Variants in ASTN2 observed in about 807,000 individuals in gnomAD.
The protein encoded by ASTN2 is astrotactin 2, also known as astrotactin-2.
ASTN2 carries 54 observed loss-of-function variants against 139.8 expected under a neutral mutation model. That is an observed-to-expected ratio of 0.39 (90% CI 0.31 to 0.48). ASTN2 has a LOEUF of 0.48. Among genes scored for constraint, ASTN2 ranks in the 20% least tolerant of loss-of-function variants. The pLI, the probability that ASTN2 is intolerant of heterozygous loss-of-function variation, is 0.95. For synonymous variants in ASTN2, 756 were observed against 719.5 expected (o/e 1.05, Z -0.81); for missense variants, 1,565 against 1,725.1 (o/e 0.91, Z 1.64).
intron 11 of ASTN2, among the ~76,000 whole-genome samples, chr9:116,847,934 C>T (rs939415007): frequency 3.9e-5 from 6 of 152,116 alleles, no homozygotes; most frequent in Non-Finnish European, 7.4e-5. Flanking sequence ...AGATGTGGGG[C>T]GGGACAGAGG....
At chr9:117,180,492 C>G in intron 3 of ASTN2, 1 of 594,000 alleles carries the variant, frequency 1.7e-6, no homozygotes, top group Non-Finnish European at 3.0e-6. Context: ...TCCACATCGT[C>G]AGCACATTTG....
intron 13 of ASTN2, among the ~76,000 whole-genome samples, chr9:116,744,178 A>G (rs1829173691): frequency 6.6e-6 from 1 of 152,150 alleles, no homozygotes; most frequent in African/African-American, 2.4e-5. Context: ...GTGTGGGCGC[A>G]TGTGTGTGTA....
intron 20 of ASTN2, 67 bp downstream of exon 20, chr9:116,487,292 G>T: frequency 6.3e-7 from 1 of 1,580,594 alleles, no homozygotes. Flanking sequence ...AATAACTCAT[G>T]CCATTCCTCT....
chr9:117,309,596 A>T (rs1263546656), intron 1 of ASTN2, among the ~76,000 whole-genome samples: 1 of 152,172 alleles, frequency 6.6e-6, no homozygotes, highest in Non-Finnish European at 1.5e-5. Context: ...GATAAAGCAA[A>T]CCTTCCATCC....
intron 3 of ASTN2, among the ~76,000 whole-genome samples, chr9:117,202,573 G>T (rs889131877): frequency 2.0e-5 from 3 of 152,128 alleles, no homozygotes; most frequent in Admixed American, 6.5e-5. Context: ...GTCTGGAAAA[G>T]ATTTTCTTTG....
At chr9:116,540,475 T>C (rs1253514798) in intron 19 of ASTN2, 1 of 152,208 alleles carries the variant, frequency 6.6e-6, no homozygotes, top group East Asian at 1.9e-4. Context: ...GAATAACACG[T>C]GAAGAGAGGA....
intron 22 of ASTN2, among the ~76,000 whole-genome samples, chr9:116,439,688 A>T (rs1173295572): frequency 6.6e-6 from 1 of 152,106 alleles, no homozygotes; most frequent in Non-Finnish European, 1.5e-5. Flanking sequence ...CCAAATACCC[A>T]TCCTTTTCCC....
intron 1 of ASTN2, among the ~76,000 whole-genome samples, chr9:117,312,879 G>A (rs936750226): frequency 8.6e-5 from 13 of 151,730 alleles, no homozygotes; most frequent in South Asian, 2.1e-4. Context: ...CAACAAAACC[G>A]TAAAAAAAAC....
At chr9:117,245,188 T>C (rs1271235811) in intron 2 of ASTN2, among the ~76,000 whole-genome samples, 1 of 152,146 alleles carries the variant, frequency 6.6e-6, no homozygotes, top group Non-Finnish European at 1.5e-5. Context: ...AAGCTGTCTG[T>C]TCTGAAAGAC....
chr9:117,048,926 GA>G (rs1337032462), intron 5 of ASTN2, among the ~76,000 whole-genome samples: 2 of 143,792 alleles, frequency 1.4e-5, no homozygotes, highest in South Asian at 4.7e-4. Context: ...TATGAAAACA[GA>G]AATAGAATCT....
chr9:117,221,869 A>G (rs1038277252), intron 2 of ASTN2, among the ~76,000 whole-genome samples: 1 of 152,106 alleles, frequency 6.6e-6, no homozygotes, highest in Non-Finnish European at 1.5e-5. Context: ...AGAAAAAGAA[A>G]CTGAGACTCA....
chr9:117,392,866 G>A (rs949221569), intron 1 of ASTN2, among the ~76,000 whole-genome samples: 1 of 152,156 alleles, frequency 6.6e-6, no homozygotes, highest in Non-Finnish European at 1.5e-5. Flanking sequence ...TACAGAAAAA[G>A]AGCTTTGCAA....
chr9:117,319,498 G>T (rs1170856085), intron 1 of ASTN2, among the ~76,000 whole-genome samples: 5 of 151,866 alleles, frequency 3.3e-5, no homozygotes. Flanking sequence ...GTGCAATCTT[G>T]GTTCCCTGCA....
rs7852391 is a variant in ASTN2 at position 117,088,215 on chromosome 9, G to C, written c.1276+7829C>G. On this transcript the variant is annotated intron_variant, in intron 5 of 22. Transcript: ENST00000313400. ...AGGCACAGTTGCTGCCTCTTTCTCC[G>C]GCCTCATTTTCCATCATTCCTGCAC... 1.6e-4 allele frequency among the ~76,000 whole-genome samples: 24 copies of C among 152,158 alleles called. No individual in the cohort carries two copies. The East Asian group carries it at 4.7e-3, about 29-fold the overall frequency.
intron 4 of ASTN2, among the ~76,000 whole-genome samples, chr9:117,119,990 ATGTGTG>A (rs752111718): frequency 4.5e-4 from 33 of 73,214 alleles, no homozygotes; most frequent in African/African-American, 1.5e-3. Flanking sequence ...ATATATTTGT[ATGTGTG>A]TGTGTGTGTG....
chr9:116,588,900 T>A (rs1564136796), intron 19 of ASTN2, among the ~76,000 whole-genome samples: 1 of 152,186 alleles, frequency 6.6e-6, no homozygotes, highest in East Asian at 1.9e-4. Context: ...TACAGACCTA[T>A]AAGGAAACAG....
At chr9:116,751,311 TA>T (rs1435713230) in intron 13 of ASTN2, among the ~76,000 whole-genome samples, 4 of 152,222 alleles carry the variant, frequency 2.6e-5, no homozygotes, top group African/African-American at 9.6e-5. Context: ...GTGTGGTAGT[TA>T]CTGTTACTGT....
intron 3 of ASTN2, among the ~76,000 whole-genome samples, chr9:117,210,464 G>A (rs1253853273): frequency 6.6e-6 from 1 of 151,920 alleles, no homozygotes. Flanking sequence ...CAGAGAAAAT[G>A]GATAAATTTC....
At chr9:116,996,041 A>G (rs1837004900) in intron 7 of ASTN2, among the ~76,000 whole-genome samples, 1 of 151,858 alleles carries the variant, frequency 6.6e-6, no homozygotes, top group African/African-American at 2.4e-5. Flanking sequence ...GCGTCTCACT[A>G]TGTTTCCCAA....
Sources: gnomAD v4.1 joint callset for allele counts (sites outside exome capture counted in the v4.1 genomes callset) on GRCh38, gnomAD v4.1.1 for gene constraint, MANE v1.5 for transcripts, NCBI Gene and HGNC (gene_info 2026-07-23, HGNC 2026-07-21) for gene names.